The following AP5M1 variants were observed in gnomAD, a reference collection of about 807,000 sequenced individuals.
AP5M1 encodes the protein AP-5 complex subunit mu-1.
A neutral mutation model predicts 52.3 loss-of-function variants in AP5M1; 44 were observed. The observed-to-expected ratio is 0.84, with a 90% CI of 0.66 to 1.08. AP5M1 has a LOEUF of 1.08. AP5M1 is among the 50% of genes least tolerant of loss of function. The pLI is 0.00. For missense variants in AP5M1, 526 were observed against 568.4 expected, an observed-to-expected ratio of 0.93 and a Z score of 0.76; for synonymous variants, 213 against 199.0, an observed-to-expected ratio of 1.07 and a Z score of -0.59.
rs1885449685 is a variant in AP5M1 at position 57,292,096 on chromosome 14, T to C, written c.*3212T>C. The C allele has an allele frequency of 6.6e-6, 1 of 151,886 alleles. No homozygotes were observed. The highest frequency in any genetic ancestry group is 1.5e-5 in the Non-Finnish European group (1 of 67,834). 9.4% of individuals were successfully genotyped at this position (151,886 alleles called of 1,614,324 possible). A position where few individuals can be genotyped will look rare whatever the true frequency, so the allele number is the denominator to read the frequency against. ...CCTGTTCTGACATCATTTAGATAGT[T>C]AGCTGTATTATCAGATTAGAAACCA... On this transcript the variant is annotated 3_prime_UTR_variant, in exon 8 of 8. Transcript: ENST00000261558.
At chr14:57,275,734 G>A (rs749597837) in intron 2 of AP5M1, among the ~76,000 whole-genome samples, 17 of 152,192 alleles carry the variant, frequency 1.1e-4, no homozygotes, top group Admixed American at 2.0e-4. Flanking sequence ...CATGTTGAAG[G>A]GCTCTTATTT....
Position 57,294,802 on chromosome 14 carries a change from A to C in AP5M1, c.*5918A>C, listed in dbSNP as rs1275686473. 1 of 151,920 alleles carries C rather than the reference A, an allele frequency of 6.6e-6. No individual in the cohort carries two copies. The highest frequency in any genetic ancestry group is 1.5e-5 in the Non-Finnish European group (1 of 67,846). The allele number at this position is 151,920 out of a possible 1,614,324, so 9.4% of individuals were successfully genotyped here. A position where few individuals can be genotyped will look rare whatever the true frequency, so the allele number is the denominator to read the frequency against. On this transcript the variant is annotated 3_prime_UTR_variant, in exon 8 of 8. Coordinates refer to ENST00000261558, the MANE Select transcript of AP5M1 (RefSeq NM_018229.4). ...CCATTATGTTTCTAGAATATTACACATTTGGAGTAAGCCTTGCTTTTTCAA... is the reference window on the plus strand; with the variant it reads ...CCATTATGTTTCTAGAATATTACACCTTTGGAGTAAGCCTTGCTTTTTCAA...
At chr14:57,288,587 A>G (rs1384975029) in intron 7 of AP5M1, among the ~76,000 whole-genome samples, 2 of 152,116 alleles carry the variant, frequency 1.3e-5, no homozygotes, top group Admixed American at 1.3e-4. Context: ...GATATTTCAT[A>G]TAAGGTCAAA....
chr14:57,276,081 CTGTTT>C (rs1885028946), intron 2 of AP5M1, among the ~76,000 whole-genome samples: 2 of 151,014 alleles, frequency 1.3e-5, no homozygotes, highest in African/African-American at 4.9e-5. Context: ...TTTTTTAATC[CTGTTT>C]AACGTTAAAG....
At chr14:57,279,725 C>T (rs1285365013) in intron 2 of AP5M1, among the ~76,000 whole-genome samples, 1 of 152,074 alleles carries the variant, frequency 6.6e-6, no homozygotes, top group Non-Finnish European at 1.5e-5. Context: ...GACAGTCAAA[C>T]AATGAAAGGC....
At position 57,286,319 on chromosome 14, in the gene AP5M1, C is replaced by G; in HGVS notation, c.1390C>G (p.His464Asp). The change falls in exon 7 of 8, where the codon CAC becomes GAC. Residue 464 changes from histidine to aspartate, a missense_variant and splice_region_variant. By Grantham distance (81) the His-to-Asp change is moderately conservative. Coordinates refer to ENST00000261558, the MANE Select transcript of AP5M1 (RefSeq NM_018229.4). ...ATCAGGAAAACCAAAAATAAGTGCA[C>G]GTAAGTTACACAGATTCAAACTAAC... ...FASGKPKISA[H>D]RKLISSDYYI... is the part of the protein sequence containing the mutation. 1.3e-6 allele frequency: 2 copies of G among 1,586,752 alleles called. No individual in the cohort carries two copies. The highest frequency in any genetic ancestry group is 1.7e-6 in the Non-Finnish European group (2 of 1,155,722).
At chr14:57,281,241 C>T (rs1170518243) in intron 3 of AP5M1, among the ~76,000 whole-genome samples, 2 of 152,122 alleles carry the variant, frequency 1.3e-5, no homozygotes, top group African/African-American at 2.4e-5. Context: ...AAATGACTTG[C>T]ACCACGTCTA....
At chr14:57,276,174 A>G (rs904667850) in intron 2 of AP5M1, among the ~76,000 whole-genome samples, 2 of 152,160 alleles carry the variant, frequency 1.3e-5, no homozygotes, top group Admixed American at 1.3e-4. Flanking sequence ...TCACTTTATT[A>G]GAAATAACTA....
intron 1 of AP5M1, chr14:57,271,450 G>T (rs908551473): frequency 6.6e-6 from 1 of 152,166 alleles, no homozygotes; most frequent in Non-Finnish European, 1.5e-5. Flanking sequence ...TCTGTATGTA[G>T]CAATGATTGT....
rs1885482741 is a variant in AP5M1, at chr14:57,293,487, A to G, written c.*4603A>G. 1 of 151,686 alleles carries G rather than the reference A, an allele frequency of 6.6e-6. No individual in the cohort carries two copies. The highest frequency in any genetic ancestry group is 1.5e-5 in the Non-Finnish European group (1 of 67,764). The allele number at this position is 151,686 out of a possible 1,614,324, so 9.4% of individuals were successfully genotyped here. A position where few individuals can be genotyped will look rare whatever the true frequency, so the allele number is the denominator to read the frequency against. On this transcript the variant is annotated 3_prime_UTR_variant, in exon 8 of 8. Coordinates refer to ENST00000261558, the MANE Select transcript of AP5M1 (RefSeq NM_018229.4). ...CGTTTGTGCCAAGCCAGCCTCCTCT[A>G]GTTTCAATTTAATAACTAGTTTCAA...
chr14:57,282,357 G>A (rs1885201921), intron 4 of AP5M1, 129 bp downstream of exon 4: 1 of 642,476 alleles, frequency 1.6e-6, no homozygotes, highest in Non-Finnish European at 2.3e-6. Context: ...TTAAATGAAT[G>A]CTGATTTTCA....
At chr14:57,280,690 A>G (rs773163286) in intron 3 of AP5M1, among the ~76,000 whole-genome samples, 7 of 152,062 alleles carry the variant, frequency 4.6e-5, no homozygotes, top group Non-Finnish European at 8.8e-5. Flanking sequence ...TCTCTACTAA[A>G]AATACAAAAA....
At chr14:57,284,208 T>G (rs543083629) in intron 6 of AP5M1, among the ~76,000 whole-genome samples, 5 of 152,348 alleles carry the variant, frequency 3.3e-5, no homozygotes, top group Middle Eastern at 3.4e-3. Flanking sequence ...ACTTGAAGAT[T>G]GACTAACATT....
chr14:57,283,866 G>GTCACAGCTTTTT (rs1885244691), intron 6 of AP5M1, among the ~76,000 whole-genome samples: 1 of 152,102 alleles, frequency 6.6e-6, no homozygotes, highest in South Asian at 2.1e-4. Flanking sequence ...CACACCTTTA[G>GTCACAGCTTTTT]TCACAGCTTT....
chr14:57,269,378 AGATTCTCCAGGTAAATGC>A lies in AP5M1; in HGVS notation c.65_74+8del. 2 of 1,614,126 alleles carry A rather than the reference AGATTCTCCAGGTAAATGC, an allele frequency of 1.2e-6. No homozygotes were observed. Among genetic ancestry groups the A allele is most frequent in the Non-Finnish European group, 1.7e-6 (2 of 1,179,998 alleles). On this transcript the variant is annotated splice_donor_variant and splice_donor_5th_base_variant and coding_sequence_variant and intron_variant, in exon 1 of 8. Transcript: ENST00000261558. LOFTEE classifies it high-confidence loss of function. ...GGGAACTCCACTTTGTGGCACCGTG[AGATTCTCCAGGTAAATGC>A]AAATCTGAATCCTCAGGGATGATGG...
Position 57,294,732 on chromosome 14 carries a change from T to G in AP5M1, c.*5848T>G, listed in dbSNP as rs906802740. ...CCTCACAGAAAGGAGATTGGGAAAA[T>G]AGCTATTTTGAAAGTTATTGCAGAT... On this transcript the variant is annotated 3_prime_UTR_variant, in exon 8 of 8. Coordinates refer to ENST00000261558, the MANE Select transcript of AP5M1 (RefSeq NM_018229.4). The G allele has an allele frequency of 6.6e-6, 1 of 151,846 alleles. No individual in the cohort carries two copies. Among genetic ancestry groups the G allele is most frequent in the East Asian group, 1.9e-4 (1 of 5,184 alleles). The allele number at this position is 151,846 out of a possible 1,614,324, so 9.4% of individuals were successfully genotyped here.
Position 57,274,783 on chromosome 14 carries a change from G to A in AP5M1, c.614G>A (p.Gly205Glu). 1 of 1,614,116 alleles carries A rather than the reference G, an allele frequency of 6.2e-7. No individual in the cohort carries two copies. The highest frequency in any genetic ancestry group is 8.5e-7 in the Non-Finnish European group (1 of 1,180,022). Residue 205 changes from glycine to glutamate, a missense_variant, in exon 2 of 8, where the codon GGA becomes GAA. Physicochemically the swap from Gly to Glu is moderately conservative, Grantham distance 98. This residue lies in a region of AP5M1 where 425 missense variants were observed against 430.6 expected (regional missense o/e 0.99). Coordinates refer to ENST00000261558, the MANE Select transcript of AP5M1 (RefSeq NM_018229.4). ...GCTTGGAAAACTGGGACGTACAAAG[G>A]AAAACCACAAGTTTCTATTTCTATC... Reference protein sequence around the residue: ...QPAWKTGTYKGKPQVSISITE... With the variant: ...QPAWKTGTYKEKPQVSISITE...
chr14:57,282,137 G>A lies in AP5M1; in HGVS notation c.997G>A (p.Val333Ile), dbSNP rs772478374. The change falls in exon 4 of 8, where the codon GTA becomes ATA. Residue 333 changes from valine (V) to isoleucine (I), a missense_variant. By Grantham distance (29) the Val-to-Ile change is conservative. This residue lies in a region of AP5M1 where 425 missense variants were observed against 430.6 expected (regional missense o/e 0.99). Coordinates refer to ENST00000261558, the MANE Select transcript of AP5M1 (RefSeq NM_018229.4). ...LGFYQMKEEE[V>I]QLRITINLKL... The stretch of plus-strand genomic sequence containing the variant: ...TTTTTATCAAATGAAGGAGGAAGAA[G>A]TACAACTAAGAATAACCATTAATTT... 18 of 1,576,714 alleles carry A rather than the reference G, an allele frequency of 1.1e-5. No homozygotes were observed. The highest frequency in any genetic ancestry group is 1.7e-4 in the Middle Eastern group (1 of 6,000).
intron 1 of AP5M1, among the ~76,000 whole-genome samples, chr14:57,271,671 A>AT (rs138373602): frequency 0.034 from 5,191 of 152,292 alleles, 302 homozygotes; most frequent in African/African-American, 0.12. Context: ...AGAAATCACT[A>AT]ATTTTGATGC....
Sources: gnomAD v4.1 joint callset for allele counts (sites outside exome capture counted in the v4.1 genomes callset) on GRCh38, gnomAD v4.1.1 for gene constraint, gnomAD v4.1.1 regional missense constraint, MANE v1.5 for transcripts, NCBI Gene and HGNC (gene_info 2026-07-23, HGNC 2026-07-21) for gene names.